The following KIF16B variants were observed in gnomAD, a reference collection of about 807,000 sequenced individuals.
KIF16B encodes kinesin family member 16B.
KIF16B carries 98 observed loss-of-function variants against 156.3 expected under a neutral mutation model. The ratio of observed to expected loss-of-function variants is 0.63; its 90% CI spans 0.53 to 0.74. The LOEUF (loss-of-function observed/expected upper bound fraction) is 0.74. Among genes scored for constraint, KIF16B ranks in the 30% least tolerant of loss-of-function variants. The probability of loss-of-function intolerance (pLI) is 0.00; values close to 1 mark genes in which losing one functional copy is unlikely to be tolerated. For missense variants in KIF16B, 1,421 were observed against 1,606.5 expected (o/e 0.88, Z 1.97); for synonymous variants, 564 against 583.7 (o/e 0.97, Z 0.49).
chr20:16,454,643 G>C (rs537896451), intron 12 of KIF16B, among the ~76,000 whole-genome samples: 1 of 152,164 alleles, frequency 6.6e-6, no homozygotes, highest in African/African-American at 2.4e-5. Context: ...TATCTTTGTA[G>C]ATCTTTTTAC....
chr20:16,293,256 T>C (rs1451834440), intron 25 of KIF16B, among the ~76,000 whole-genome samples: 2 of 152,088 alleles, frequency 1.3e-5, no homozygotes, highest in East Asian at 1.9e-4. Flanking sequence ...GTTCAGAACA[T>C]TGAGAACAGA....
chr20:16,552,991 C>A (rs539799444), intron 1 of KIF16B, among the ~76,000 whole-genome samples: 35 of 152,112 alleles, frequency 2.3e-4, no homozygotes, highest in Non-Finnish European at 4.3e-4. Context: ...GTCTCGAACT[C>A]CTGACCTCAA....
intron 3 of KIF16B, among the ~76,000 whole-genome samples, chr20:16,522,350 A>C (rs1320707772): frequency 6.6e-6 from 1 of 152,198 alleles, no homozygotes; most frequent in Non-Finnish European, 1.5e-5. Context: ...GGAAAGCAAA[A>C]AATAGCAGGG....
chr20:16,339,322 T>C (rs1037423679), intron 23 of KIF16B, among the ~76,000 whole-genome samples: 5 of 152,234 alleles, frequency 3.3e-5, no homozygotes, highest in Non-Finnish European at 7.3e-5. Flanking sequence ...TTTCATTTAT[T>C]TCAGCTTCCA....
intron 25 of KIF16B, among the ~76,000 whole-genome samples, chr20:16,287,083 T>C (rs2063233478): frequency 6.6e-6 from 1 of 152,236 alleles, no homozygotes; most frequent in Admixed American, 6.5e-5. Context: ...TGGTTGTTTT[T>C]AAGGTGCCAA....
chr20:16,328,557 T>C (rs2063895280), intron 24 of KIF16B, among the ~76,000 whole-genome samples: 1 of 152,164 alleles, frequency 6.6e-6, no homozygotes, highest in Admixed American at 6.6e-5. Flanking sequence ...AAGAATATCA[T>C]CAAAAGACCC....
chr20:16,325,312 A>T (rs2063828002), intron 24 of KIF16B, among the ~76,000 whole-genome samples: 1 of 152,048 alleles, frequency 6.6e-6, no homozygotes, highest in Non-Finnish European at 1.5e-5. Context: ...CAGAGCAATC[A>T]GACAAGAGAA....
At chr20:16,344,425 T>C (rs2064194265) in intron 23 of KIF16B, among the ~76,000 whole-genome samples, 1 of 152,182 alleles carries the variant, frequency 6.6e-6, no homozygotes, top group Non-Finnish European at 1.5e-5. Context: ...GCACACCCCA[T>C]AGGTGCTGAC....
chr20:16,338,076 C>T (rs2064073014), intron 23 of KIF16B, among the ~76,000 whole-genome samples: 1 of 152,152 alleles, frequency 6.6e-6, no homozygotes, highest in South Asian at 2.1e-4. Flanking sequence ...GCTTCCACTG[C>T]ACTTCTTGGG....
At chr20:16,315,183 C>T (rs2063679481) in intron 24 of KIF16B, among the ~76,000 whole-genome samples, 1 of 152,184 alleles carries the variant, frequency 6.6e-6, no homozygotes, top group Non-Finnish European at 1.5e-5. Context: ...GTTCCCTCTC[C>T]AGACCCAGAT....
At chr20:16,353,718 T>C (rs1203982486) in intron 23 of KIF16B, among the ~76,000 whole-genome samples, 2 of 152,188 alleles carry the variant, frequency 1.3e-5, no homozygotes, top group Non-Finnish European at 2.9e-5. Flanking sequence ...CCTCTTTGCC[T>C]GGATCGAGGC....
chr20:16,386,473 T>C (rs2123490318), intron 17 of KIF16B, among the ~76,000 whole-genome samples: 1 of 151,958 alleles, frequency 6.6e-6, no homozygotes, highest in South Asian at 2.1e-4. Context: ...AGAGGTCTGA[T>C]GAGTGAGTGA....
intron 12 of KIF16B, among the ~76,000 whole-genome samples, chr20:16,469,925 A>T (rs2067612137): frequency 6.6e-6 from 1 of 152,204 alleles, no homozygotes; most frequent in African/African-American, 2.4e-5. Flanking sequence ...AGCAACCCAA[A>T]AGCAGGTGAA....
intron 24 of KIF16B, among the ~76,000 whole-genome samples, chr20:16,333,293 T>A (rs1156831710): frequency 6.6e-6 from 1 of 152,154 alleles, no homozygotes; most frequent in Non-Finnish European, 1.5e-5. Flanking sequence ...TTCAGAAAGG[T>A]GTGCCTGGTC....
intron 24 of KIF16B, among the ~76,000 whole-genome samples, chr20:16,332,958 C>T (rs1348700180): frequency 3.3e-5 from 5 of 152,134 alleles, no homozygotes; most frequent in Non-Finnish European, 7.3e-5. Context: ...CCCAACCATC[C>T]ATACTCGGTA....
chr20:16,443,721 T>TGCAGGAGA (rs1375046872), intron 12 of KIF16B, among the ~76,000 whole-genome samples: 2 of 152,236 alleles, frequency 1.3e-5, no homozygotes, highest in Non-Finnish European at 1.5e-5. Context: ...ACTCAGATTA[T>TGCAGGAGA]GCAGGAGAGG....
At position 16,573,353 on chromosome 20, in the gene KIF16B, T is replaced by C; in HGVS notation, c.-78A>G. ...TCGCCGGCGACGCTGGCTACTCAGA[T>C]CGCGGCTCCCGCCCACTTCCCTCTC... On this transcript the variant is annotated 5_prime_UTR_variant, in exon 1 of 26. Coordinates refer to ENST00000354981, the MANE Select transcript of KIF16B (RefSeq NM_024704.5). The C allele has an allele frequency of 1.3e-6, 2 of 1,500,086 alleles. No homozygotes were observed. Among genetic ancestry groups the C allele is most frequent in the Non-Finnish European group, 1.8e-6 (2 of 1,094,236 alleles). 92.9% of individuals were successfully genotyped at this position (1,500,086 alleles called of 1,614,324 possible). A position where few individuals can be genotyped will look rare whatever the true frequency, so the allele number is the denominator to read the frequency against.
intron 1 of KIF16B, among the ~76,000 whole-genome samples, chr20:16,552,938 G>C (rs976061908): frequency 6.6e-6 from 1 of 151,900 alleles, no homozygotes. Context: ...GCTAATTTTT[G>C]TATTTTCAGT....
chr20:16,363,356 T>A (rs2064588820), intron 22 of KIF16B, among the ~76,000 whole-genome samples: 1 of 152,086 alleles, frequency 6.6e-6, no homozygotes, highest in Non-Finnish European at 1.5e-5. Context: ...ACTTAAAAGG[T>A]CCTAGGGCAT....
Sources: gnomAD v4.1 joint callset for allele counts (sites outside exome capture counted in the v4.1 genomes callset) on GRCh38, gnomAD v4.1.1 for gene constraint, MANE v1.5 for transcripts, NCBI Gene and HGNC (gene_info 2026-07-23, HGNC 2026-07-21) for gene names.